The following SCUBE3 variants were observed in gnomAD, a reference collection of about 807,000 sequenced individuals.
The protein encoded by SCUBE3 is signal peptide, CUB and EGF-like domain-containing protein 3.
In SCUBE3, 33 loss-of-function variants were observed where a neutral mutation model predicts 116.8. That is an observed-to-expected ratio of 0.28 (90% CI 0.21 to 0.38). The LOEUF is 0.38. Among genes scored for constraint, SCUBE3 ranks in the 10% least tolerant of loss-of-function variants. The pLI is 1.00. For missense variants in SCUBE3, 1,007 were observed against 1,324.8 expected, an observed-to-expected ratio of 0.76 and a Z score of 3.72; for synonymous variants, 418 against 496.9, an observed-to-expected ratio of 0.84 and a Z score of 2.11.
rs1192307987 is a variant in SCUBE3, at chr6:35,227,675, T to C, written c.181T>C (p.Tyr61His). 1 of 1,614,110 alleles carries C rather than the reference T, an allele frequency of 6.2e-7. No homozygotes were observed. The highest frequency in any genetic ancestry group is 8.5e-7 in the Non-Finnish European group (1 of 1,180,002). Residue 61 changes from tyrosine (Y) to histidine (H), a missense_variant, in exon 2 of 22, where the codon TAC (tyrosine) becomes CAC (histidine). Physicochemically the swap from Tyr to His is moderately conservative, Grantham distance 83. This residue lies in a region of SCUBE3 where 94 missense variants were observed against 92.0 expected (regional missense o/e 1.02). Transcript: ENST00000274938. ...ATACAAGTGCATCTGCAAGTCTGGC[T>C]ACACAGGGGACGGCAAACACTGCAA... ...RSYKCICKSG[Y>H]TGDGKHCKDV...
rs1235954093 is a variant in SCUBE3 at position 35,233,428 on chromosome 6, T to TAAGA, written c.712+128_712+131dup. 1.5e-6 allele frequency: 1 copy of TAAGA among 652,858 alleles called. No individual in the cohort carries two copies. Among genetic ancestry groups the TAAGA allele is most frequent in the East Asian group, 2.7e-5 (1 of 37,632 alleles). The allele number at this position is 652,858 out of a possible 1,614,324, so 40.4% of individuals were successfully genotyped here. On this transcript the variant is annotated intron_variant, in intron 6 of 21. Transcript: ENST00000274938. This position sits in a 1 kb window ranked among gnomAD's most constrained non-coding sequence, Gnocchi z 5.7. ...GGCACAGAGGGACTGGTGAGGGAGT[T>TAAGA]AAGACCCAGAAAATGCCAGGTCTAG...
intron 1 of SCUBE3, chr6:35,220,538 T>C (rs1234669802): frequency 6.6e-6 from 1 of 152,232 alleles, no homozygotes; most frequent in Non-Finnish European, 1.5e-5. Context: ...TTCATGGTTG[T>C]TGATTTTGTC....
At chr6:35,234,128 C>T (rs201023682) in intron 6 of SCUBE3, among the ~76,000 whole-genome samples, 2,045 of 152,176 alleles carry the variant, frequency 0.013, 19 homozygotes, top group African/African-American at 0.025. Context: ...GTCTTTAGTG[C>T]TGAGAAGGAT....
rs1782791317 is a variant in SCUBE3, at chr6:35,214,226, CAGG to C, written c.-187_-185del. 6.6e-6 allele frequency among the ~76,000 whole-genome samples: 1 copy of C among 152,178 alleles called. No individual in the cohort carries two copies. The highest frequency in any genetic ancestry group is 6.5e-5 in the Admixed American group (1 of 15,282). ...CGCCTCGCTCTCCCCGACGTCCGGC[CAGG>C]AGGAGCCGGTAGCATCGGGAGCCTC... is the stretch of plus-strand genomic sequence containing the variant. On this transcript the variant is annotated 5_prime_UTR_variant, in exon 1 of 22. Coordinates refer to ENST00000274938, the MANE Select transcript of SCUBE3 (RefSeq NM_152753.4). This position sits in a 1 kb window ranked among gnomAD's most constrained non-coding sequence, Gnocchi z 6.3.
rs1218827509 is a variant in SCUBE3, at chr6:35,233,405, C to A, written c.712+104C>A. Reference sequence around the variant, plus strand: ...GAGTGCATGGGGCCCAGGTGCTGGGCACAGAGGGACTGGTGAGGGAGTTAA... The same window carrying A: ...GAGTGCATGGGGCCCAGGTGCTGGGAACAGAGGGACTGGTGAGGGAGTTAA... On this transcript the variant is annotated intron_variant, in intron 6 of 21. Coordinates refer to ENST00000274938, the MANE Select transcript of SCUBE3 (RefSeq NM_152753.4). This position sits in a 1 kb window ranked among gnomAD's most constrained non-coding sequence, Gnocchi z 5.7. 9 of 731,192 alleles carry A rather than the reference C, an allele frequency of 1.2e-5. No homozygotes were observed. The highest frequency in any genetic ancestry group is 2.2e-5 in the Non-Finnish European group (9 of 409,860). 45.3% of individuals were successfully genotyped at this position (731,192 alleles called of 1,614,324 possible).
chr6:35,242,907 C>G (rs1011400977), intron 14 of SCUBE3, 114 bp from the exon 15 acceptor site: 84 of 1,494,534 alleles, frequency 5.6e-5, no homozygotes, highest in Non-Finnish European at 7.4e-5. Context: ...TGGTGCCAAG[C>G]CTAAAAGCTA....
Position 35,244,072 on chromosome 6 carries a change from T to G in SCUBE3, c.2181T>G (p.Gly727=). Residue 727 remains glycine (G), a synonymous_variant, in exon 17 of 22, where the codon GGT becomes GGG. Coordinates refer to ENST00000274938, the MANE Select transcript of SCUBE3 (RefSeq NM_152753.4). This position sits in a 1 kb window ranked among gnomAD's most constrained non-coding sequence, Gnocchi z 4.3. The part of the protein sequence containing the change: ...EAGRTLCFPC[G]GGLTTKHEGA... ...GACGGACCCTATGCTTCCCTTGTGGTGGGGGCCTCACCACCAAGCATGAAG... is the reference window on the plus strand; with the variant it reads ...GACGGACCCTATGCTTCCCTTGTGGGGGGGGCCTCACCACCAAGCATGAAG... 3 of 1,614,082 alleles carry G rather than the reference T, an allele frequency of 1.9e-6. No individual in the cohort carries two copies. Among genetic ancestry groups the G allele is most frequent in the Non-Finnish European group, 2.5e-6 (3 of 1,179,976 alleles).
chr6:35,242,172 C>A, intron 12 of SCUBE3, 32 bp from the exon 13 acceptor site: 1 of 1,499,492 alleles, frequency 6.7e-7, no homozygotes, highest in South Asian at 1.1e-5. Context: ...ATGGGCATCC[C>A]ATACTGTGCT....
At position 35,231,880 on chromosome 6, in the gene SCUBE3, G is replaced by A; in HGVS notation, c.469+21G>A. On this transcript the variant is annotated intron_variant, in intron 4 of 21. Transcript: ENST00000274938. The surrounding 1 kb of genome is among the most constrained non-coding windows in gnomAD (Gnocchi z 4.2). ...AGAAGGTCAGCCCATGACCTGGGATGGCCCCATCCCTGCCCTCCCCAGGCT... is the reference window on the plus strand; with the variant it reads ...AGAAGGTCAGCCCATGACCTGGGATAGCCCCATCCCTGCCCTCCCCAGGCT... 6.3e-7 allele frequency: 1 copy of A among 1,591,834 alleles called. No individual in the cohort carries two copies. Among genetic ancestry groups the A allele is most frequent in the East Asian group, 2.3e-5 (1 of 44,200 alleles).
rs1324997024 is a variant in SCUBE3, at chr6:35,250,350, G to T, written c.*1645G>T. The T allele has an allele frequency of 2.0e-5, 3 of 152,172 alleles. No individual in the cohort carries two copies. Among genetic ancestry groups the T allele is most frequent in the Admixed American group, 6.5e-5 (1 of 15,282 alleles). The allele number at this position is 152,172 out of a possible 1,614,324, so 9.4% of individuals were successfully genotyped here. ...CCTGTCTTCATCCTGTTATCCCCTG[G>T]TGTACACATGGAAGAGGACCAGGAC... On this transcript the variant is annotated 3_prime_UTR_variant, in exon 22 of 22. Transcript: ENST00000274938.
At chr6:35,234,299 G>C (rs557442634) in intron 6 of SCUBE3, among the ~76,000 whole-genome samples, 58 of 152,232 alleles carry the variant, frequency 3.8e-4, no homozygotes, top group African/African-American at 1.3e-3. Context: ...GCTGAGGATG[G>C]GGGTGTGTGA....
rs927934193 is a variant in SCUBE3, at chr6:35,249,041, G to C, written c.*336G>C. The C allele has an allele frequency of 2.8e-5, 6 of 217,080 alleles. No individual in the cohort carries two copies. Among genetic ancestry groups the C allele is most frequent in the Non-Finnish European group, 5.5e-5 (6 of 109,622 alleles). 13.4% of individuals were successfully genotyped at this position (217,080 alleles called of 1,614,324 possible). On this transcript the variant is annotated 3_prime_UTR_variant, in exon 22 of 22. Coordinates refer to ENST00000274938, the MANE Select transcript of SCUBE3 (RefSeq NM_152753.4). ...CATTCCCGACCCCATCAGCTTGGAAGGGTGCTAGAGGCCCATCAAGGAAGT... is the reference window on the plus strand; with the variant it reads ...CATTCCCGACCCCATCAGCTTGGAACGGTGCTAGAGGCCCATCAAGGAAGT...
At chr6:35,246,855 T>TGAGTA (rs1784362885) in intron 21 of SCUBE3, among the ~76,000 whole-genome samples, 5 of 152,076 alleles carry the variant, frequency 3.3e-5, no homozygotes, top group African/African-American at 1.2e-4. Flanking sequence ...GGCAGGCGCC[T>TGAGTA]GTAATCCCAG....
Position 35,245,921 on chromosome 6 carries a change from T to C in SCUBE3, c.2600-23T>C, listed in dbSNP as rs1414489562. 3.1e-6 allele frequency: 5 copies of C among 1,612,876 alleles called. No individual in the cohort carries two copies. The African/African-American group carries it at 6.7e-5, about 22-fold the overall frequency. On this transcript the variant is annotated intron_variant, in intron 19 of 21. Transcript: ENST00000274938. The surrounding 1 kb of genome is among the most constrained non-coding windows in gnomAD (Gnocchi z 4.2). ...TGGGTAGCCTGCCCTGCTGCTCTAC[T>C]GACCTGCTGCTTGCCTTCCCAGCAT...
In SCUBE3 at chr6:35,235,564, C is replaced by A. The variant is rs2150302550; in HGVS notation, c.712+2263C>A. 1.2e-6 allele frequency: 1 copy of A among 852,538 alleles called. No individual in the cohort carries two copies. The highest frequency in any genetic ancestry group is 1.7e-6 in the Non-Finnish European group (1 of 590,226). 52.8% of individuals were successfully genotyped at this position (852,538 alleles called of 1,614,324 possible). On this transcript the variant is annotated intron_variant, in intron 6 of 21. Transcript: ENST00000274938. This position sits in a 1 kb window ranked among gnomAD's most constrained non-coding sequence, Gnocchi z 4.5. ...GGAAGGGCTAACCCGCTGGGGCTCC[C>A]ACTAACTGCATGCCCACTGGGCCCA...
intron 1 of SCUBE3, among the ~76,000 whole-genome samples, chr6:35,226,127 G>C (rs1450916739): frequency 6.6e-6 from 1 of 152,162 alleles, no homozygotes; most frequent in Non-Finnish European, 1.5e-5. Context: ...TAGAATAACT[G>C]GAAGAGCTTT....
chr6:35,217,911 C>G (rs1318174475), intron 1 of SCUBE3, among the ~76,000 whole-genome samples: 2 of 152,170 alleles, frequency 1.3e-5, no homozygotes, highest in Non-Finnish European at 2.9e-5. Flanking sequence ...CCTCTCTTCT[C>G]TCATGACATG....
rs1206090735 is a variant in SCUBE3, at chr6:35,245,408, T to C, written c.2582T>C (p.Leu861Pro). The change falls in exon 19 of 22, where the codon CTC becomes CCC. Residue 861 changes from leucine (L) to proline (P), a missense_variant. Around this residue, in one of 5 missense-constraint regions of SCUBE3, gnomAD observed 118 missense variants for 196.6 expected, o/e 0.60. Transcript: ENST00000274938. The surrounding 1 kb of genome is among the most constrained non-coding windows in gnomAD (Gnocchi z 4.2). ...LPSEDECGDVLVMRKNSSPSS... is the reference protein window; with the variant it reads ...LPSEDECGDVPVMRKNSSPSS... Reference sequence around the variant, plus strand: ...TCTGAGGATGAGTGTGGGGACGTCCTCGTCATGAGAAAGAACTGTGGGTGG... The same window carrying C: ...TCTGAGGATGAGTGTGGGGACGTCCCCGTCATGAGAAAGAACTGTGGGTGG... The C allele has an allele frequency of 6.2e-7, 1 of 1,614,100 alleles. No homozygotes were observed. Among genetic ancestry groups the C allele is most frequent in the Middle Eastern group, 1.6e-4 (1 of 6,062 alleles).
At chr6:35,246,590 C>G (rs1246911864) in intron 21 of SCUBE3, among the ~76,000 whole-genome samples, 4 of 152,218 alleles carry the variant, frequency 2.6e-5, no homozygotes, top group African/African-American at 7.2e-5. Context: ...ATGTCCCTAC[C>G]TCTTCCAAGA....
Sources: allele counts gnomAD v4.1 joint callset (sites outside exome capture counted in the v4.1 genomes callset), GRCh38; gene constraint gnomAD v4.1.1; regional missense constraint gnomAD v4.1.1; non-coding constraint Gnocchi (gnomAD v3.1); transcripts MANE v1.5; gene names NCBI Gene and HGNC (gene_info 2026-07-23, HGNC 2026-07-21).